The following DACH2 variants were observed in gnomAD, a reference collection of about 807,000 sequenced individuals.
DACH2 encodes the protein dachshund homolog 2.
Under a neutral mutation model 35.8 loss-of-function variants are expected in DACH2, and 17 were observed. The ratio of observed to expected loss-of-function variants is 0.48; its 90% CI spans 0.33 to 0.71. DACH2 has a LOEUF of 0.71. Among genes scored for constraint, DACH2 ranks in the 30% least tolerant of loss-of-function variants. DACH2 has a pLI of 0.02. For missense variants in DACH2, 469 were observed against 472.7 expected (o/e 0.99, Z 0.07); for synonymous variants, 195 against 177.3 (o/e 1.10, Z -0.79).
At chrX:86,358,640 G>T (rs1337221494) in intron 1 of DACH2, among the ~76,000 whole-genome samples, 1 of 111,242 alleles carries the variant, frequency 9.0e-6, no homozygotes, top group Non-Finnish European at 1.9e-5. Flanking sequence ...ATACCCAGTG[G>T]CAAGATGGCA....
chrX:86,185,967 A>C (rs945398401), intron 1 of DACH2, among the ~76,000 whole-genome samples: 2 of 112,127 alleles, frequency 1.8e-5, no homozygotes, highest in African/African-American at 6.5e-5. Context: ...CTTTCCATTC[A>C]TTGCTCAATT....
chrX:86,176,737 T>C (rs2031316652), intron 1 of DACH2, among the ~76,000 whole-genome samples: 1 of 112,136 alleles, frequency 8.9e-6, no homozygotes, highest in Non-Finnish European at 1.9e-5. Context: ...ATGGGCATGC[T>C]GTGCTTCAGT....
chrX:86,523,420 A>T (rs905714805), intron 3 of DACH2, among the ~76,000 whole-genome samples: 1 of 112,051 alleles, frequency 8.9e-6, no homozygotes, highest in East Asian at 2.8e-4. Context: ...GTTTAAAAAA[A>T]ATATCAAGCC....
chrX:86,514,815 A>G (rs1193797171), intron 3 of DACH2, among the ~76,000 whole-genome samples: 2 of 111,163 alleles, frequency 1.8e-5, no homozygotes, highest in Non-Finnish European at 3.8e-5. Flanking sequence ...CTAGGTTAAA[A>G]AGTAGACCTA....
chrX:86,331,947 G>A (rs545040494), intron 1 of DACH2, among the ~76,000 whole-genome samples: 9 of 111,418 alleles, frequency 8.1e-5, no homozygotes, highest in Admixed American at 1.9e-4. Flanking sequence ...TCCTATCTGC[G>A]TTTATAAGAC....
chrX:86,781,972 C>G (rs190959733), intron 7 of DACH2, among the ~76,000 whole-genome samples: 3 of 111,786 alleles, frequency 2.7e-5, no homozygotes, highest in Non-Finnish European at 5.7e-5. Flanking sequence ...AACTGATAAA[C>G]AAATTCAGTA....
chrX:86,206,225 G>A (rs190121982), intron 1 of DACH2, among the ~76,000 whole-genome samples: 32 of 110,055 alleles, frequency 2.9e-4, no homozygotes, highest in African/African-American at 1.0e-3. Context: ...GCACTCTTTG[G>A]TATATACATT....
intron 1 of DACH2, among the ~76,000 whole-genome samples, chrX:86,283,673 C>T (rs895381834): frequency 1.0e-5 from 1 of 95,369 alleles, no homozygotes; most frequent in East Asian, 3.3e-4. Context: ...GGGGTTTGAA[C>T]AATGAGAACA....
At chrX:86,710,903 T>TG (rs2041270688) in intron 5 of DACH2, among the ~76,000 whole-genome samples, 1 of 111,975 alleles carries the variant, frequency 8.9e-6, no homozygotes, top group African/African-American at 3.2e-5. Flanking sequence ...GATTAATGCC[T>TG]GGTAGTCACT....
chrX:86,800,816 C>T (rs1043336219), intron 7 of DACH2, among the ~76,000 whole-genome samples: 9 of 110,598 alleles, frequency 8.1e-5, no homozygotes, highest in African/African-American at 2.0e-4. Flanking sequence ...ATTACAGGCA[C>T]CTGCCACTGT....
chrX:86,657,799 C>T (rs1244210537), intron 4 of DACH2, among the ~76,000 whole-genome samples: 1 of 110,752 alleles, frequency 9.0e-6, no homozygotes, highest in Non-Finnish European at 1.9e-5. Flanking sequence ...GGCTAAATCC[C>T]CTGAAGGCAA....
intron 1 of DACH2, among the ~76,000 whole-genome samples, chrX:86,329,280 A>G (rs950385500): frequency 9.2e-6 from 1 of 108,595 alleles, no homozygotes; most frequent in Non-Finnish European, 1.9e-5. Context: ...TGAAGGGGGA[A>G]AAAAAAATGA....
At chrX:86,794,446 T>A (rs1256250133) in intron 7 of DACH2, among the ~76,000 whole-genome samples, 2 of 110,751 alleles carry the variant, frequency 1.8e-5, no homozygotes, top group Non-Finnish European at 3.8e-5. Flanking sequence ...TGTGTTACAG[T>A]TTTTGGCCTC....
At chrX:86,382,159 G>A (rs764723516) in intron 2 of DACH2, among the ~76,000 whole-genome samples, 61 of 108,920 alleles carry the variant, frequency 5.6e-4, no homozygotes, top group African/African-American at 1.9e-3. Flanking sequence ...TTTTTCTAAG[G>A]ACACGAGCCC....
chrX:86,459,644 T>G (rs2037533459), intron 2 of DACH2, among the ~76,000 whole-genome samples: 1 of 111,730 alleles, frequency 9.0e-6, no homozygotes, highest in East Asian at 2.8e-4. Flanking sequence ...TGTTTATTTT[T>G]ACTTAAGGGA....
At chrX:86,339,473 G>A (rs192034998) in intron 1 of DACH2, among the ~76,000 whole-genome samples, 2 of 111,427 alleles carry the variant, frequency 1.8e-5, no homozygotes, top group Admixed American at 9.6e-5. Context: ...TTACTATGTG[G>A]CGGGCACAAA....
intron 3 of DACH2, among the ~76,000 whole-genome samples, chrX:86,554,920 A>G (rs1004970552): frequency 8.9e-6 from 1 of 112,045 alleles, no homozygotes; most frequent in Non-Finnish European, 1.9e-5. Flanking sequence ...ATGCTTTACT[A>G]TTACTGTAGG....
At chrX:86,296,206 C>T (rs2034451420) in intron 1 of DACH2, among the ~76,000 whole-genome samples, 1 of 103,932 alleles carries the variant, frequency 9.6e-6, no homozygotes, top group Non-Finnish European at 2.0e-5. Flanking sequence ...GGTGAAACCC[C>T]GTCTCTACTA....
chrX:86,577,088 G>T (rs2039444789), intron 3 of DACH2, among the ~76,000 whole-genome samples: 1 of 111,989 alleles, frequency 8.9e-6, no homozygotes, highest in South Asian at 3.6e-4. Flanking sequence ...CTATATTCAA[G>T]AAATATTTAC....
Sources: allele counts gnomAD v4.1 joint callset (sites outside exome capture counted in the v4.1 genomes callset), GRCh38; gene constraint gnomAD v4.1.1; transcripts MANE v1.5; gene names NCBI Gene and HGNC (gene_info 2026-07-23, HGNC 2026-07-21).